The following PHF8 variants were observed in gnomAD, a reference collection of about 807,000 sequenced individuals.
PHF8 encodes the protein PHD finger protein 8, also known as histone lysine demethylase PHF8.
A neutral mutation model predicts 74.4 loss-of-function variants in PHF8; 9 were observed. That is an observed-to-expected ratio of 0.12 (90% CI 0.07 to 0.21). The LOEUF (loss-of-function observed/expected upper bound fraction) is 0.21. Ranked by LOEUF, PHF8 falls within the 10% of genes least tolerant of loss-of-function variation. PHF8 has a pLI of 1.00. For synonymous variants in PHF8, 311 were observed against 316.6 expected, an observed-to-expected ratio of 0.98 and a Z score of 0.19; for missense variants, 478 against 816.6, an observed-to-expected ratio of 0.59 and a Z score of 5.05.
At chrX:54,003,581 C>T (rs961896294) in intron 8 of PHF8, among the ~76,000 whole-genome samples, 21 of 111,636 alleles carry the variant, frequency 1.9e-4, no homozygotes, top group Non-Finnish European at 3.4e-4. Context: ...CACTTGAACC[C>T]GGGAGGCAGA....
chrX:53,956,401 G>GC (rs1349072289), intron 19 of PHF8, among the ~76,000 whole-genome samples: 4 of 111,673 alleles, frequency 3.6e-5, no homozygotes, highest in African/African-American at 1.3e-4. Flanking sequence ...GGCAAAGAAA[G>GC]CATTTTCAGC....
chrX:53,944,216 T>C lies in PHF8; in HGVS notation c.2567A>G (p.Gln856Arg). ...KARVTPTLPK[Q>R]DRPVREGTRV... is the part of the protein sequence containing the mutation. ...GGTCCCCTCACGCACAGGACGGTCCTGCTTCGGCAGAGTTGGGGTCACGCG... is the reference window on the plus strand; with the variant it reads ...GGTCCCCTCACGCACAGGACGGTCCCGCTTCGGCAGAGTTGGGGTCACGCG... Residue 856 changes from glutamine (Q) to arginine (R), a missense_variant, in exon 20 of 22, where the codon CAG (glutamine) becomes CGG (arginine). Gln to Arg is a conservative substitution (Grantham distance 43). Coordinates refer to ENST00000338154, the MANE Select transcript of PHF8 (RefSeq NM_015107.3). 8.3e-7 allele frequency: 1 copy of C among 1,209,580 alleles called. No individual in the cohort carries two copies. The highest frequency in any genetic ancestry group is 1.1e-6 in the Non-Finnish European group (1 of 893,922).
At chrX:54,010,477 T>C (rs1186616912) in intron 8 of PHF8, among the ~76,000 whole-genome samples, 1 of 112,335 alleles carries the variant, frequency 8.9e-6, no homozygotes, top group African/African-American at 3.2e-5. Flanking sequence ...TGAATGTTAA[T>C]TTAAAACTTC....
intron 18 of PHF8, among the ~76,000 whole-genome samples, chrX:53,978,823 T>C (rs1390560476): frequency 9.4e-6 from 1 of 105,971 alleles, no homozygotes; most frequent in African/African-American, 3.4e-5. Context: ...AAAGGCATTA[T>C]GGTAAGCAAA....
At chrX:53,967,046 G>A (rs1260663801) in intron 18 of PHF8, among the ~76,000 whole-genome samples, 7 of 105,449 alleles carry the variant, frequency 6.6e-5, no homozygotes, top group African/African-American at 2.4e-4. Context: ...CAGCTGCCCC[G>A]TCTGAGAAGT....
intron 11 of PHF8, among the ~76,000 whole-genome samples, chrX:53,997,556 G>A (rs1451624579): frequency 9.0e-6 from 1 of 111,373 alleles, no homozygotes; most frequent in Non-Finnish European, 1.9e-5. Flanking sequence ...AAAGGTGAGG[G>A]AGCAGGTTCC....
At chrX:53,942,841 G>A (rs2064772784) in intron 20 of PHF8, 1 of 741,553 alleles carries the variant, frequency 1.3e-6, no homozygotes, top group Non-Finnish European at 1.6e-6. Flanking sequence ...ACTCACTGAG[G>A]GGACTATGAG....
intron 8 of PHF8, among the ~76,000 whole-genome samples, chrX:54,003,964 C>A (rs2035268564): frequency 8.9e-6 from 1 of 111,937 alleles, no homozygotes; most frequent in African/African-American, 3.3e-5. Context: ...AGACTAAGCA[C>A]TCTTCTCTGT....
chrX:54,018,559 T>C (rs1427704120), intron 4 of PHF8, among the ~76,000 whole-genome samples: 1 of 110,071 alleles, frequency 9.1e-6, no homozygotes, highest in African/African-American at 3.3e-5. Flanking sequence ...AGATTTGTAT[T>C]TGACAACTCT....
chrX:54,022,069 G>A (rs1557110103), intron 4 of PHF8, among the ~76,000 whole-genome samples, 190 bp downstream of exon 4: 1 of 111,501 alleles, frequency 9.0e-6, no homozygotes, highest in Non-Finnish European at 1.9e-5. Context: ...TAACTTAGGT[G>A]AATACTGCCT....
chrX:53,992,289 G>T (rs782218307), intron 14 of PHF8, among the ~76,000 whole-genome samples: 1 of 111,944 alleles, frequency 8.9e-6, no homozygotes, highest in Middle Eastern at 4.6e-3. Flanking sequence ...TGAACATTTG[G>T]ATGTTTCCAA....
intron 2 of PHF8, 78 bp from the exon 3 acceptor site, chrX:54,022,921 C>T (rs190112576): frequency 6.9e-6 from 4 of 580,826 alleles, no homozygotes; most frequent in South Asian, 4.9e-5. Flanking sequence ...TCCAGTAGAA[C>T]AGCTATTAAG....
intron 19 of PHF8, among the ~76,000 whole-genome samples, chrX:53,962,036 G>A (rs1459256643): frequency 8.9e-6 from 1 of 112,000 alleles, no homozygotes; most frequent in Non-Finnish European, 1.9e-5. Context: ...CTCTCTTGCT[G>A]CTAGAAACCT....
intron 14 of PHF8, among the ~76,000 whole-genome samples, chrX:53,989,643 A>C (rs868942377): frequency 8.9e-6 from 1 of 112,558 alleles, no homozygotes. Context: ...ATATTAACCA[A>C]TACAAACTGC....
intron 13 of PHF8, 27 bp from the exon 14 acceptor site, chrX:53,992,866 A>G: frequency 1.0e-6 from 1 of 997,280 alleles, no homozygotes; most frequent in Non-Finnish European, 1.4e-6. Flanking sequence ...CTCAGCCGTT[A>G]CCTGTCTGGG....
At position 54,044,255 on chromosome X, in the gene PHF8, G is replaced by A. The variant is rs1253690694; in HGVS notation, c.-586C>T. On this transcript the variant is annotated 5_prime_UTR_variant, in exon 1 of 22. Transcript: ENST00000338154. ...AACCAACGGGGAAAGAGATGAACCG[G>A]CCGCCACGTCCGAGGCACACGGCCC... The A allele has an allele frequency of 1.3e-6, 1 of 754,359 alleles. No individual in the cohort carries two copies. The highest frequency in any genetic ancestry group is 2.3e-5 in the African/African-American group (1 of 43,828). The allele number at this position is 754,359 out of a possible 1,213,427, so 62.2% of individuals were successfully genotyped here. A position where few individuals can be genotyped will look rare whatever the true frequency, so the allele number is the denominator to read the frequency against.
intron 8 of PHF8, among the ~76,000 whole-genome samples, chrX:54,005,539 A>G (rs1175196079): frequency 9.2e-6 from 1 of 108,638 alleles, no homozygotes; most frequent in Non-Finnish European, 1.9e-5. Context: ...CACATTCAAG[A>G]AGCTCAGTGA....
rs1397776856 is a variant in PHF8 at position 53,997,900 on chromosome X, CA to C, written c.1233+1969del. On this transcript the variant is annotated intron_variant, in intron 11 of 21. Coordinates refer to ENST00000338154, the MANE Select transcript of PHF8 (RefSeq NM_015107.3). ...AAGGGAAGGCTCAAAATATGAAATC[CA>C]AGAATATCCGAGGGGAAGGTTGGCA... Among the ~76,000 whole-genome samples, 16 of 111,508 alleles carry C rather than the reference CA, an allele frequency of 1.4e-4. No individual in the cohort carries two copies. The Admixed American group carries it at 1.5e-3, about 11-fold the overall frequency.
chrX:53,940,525 C>A lies in PHF8; in HGVS notation c.2650-9G>T, dbSNP rs2064735225. The A allele has an allele frequency of 8.8e-7, 1 of 1,133,339 alleles. No homozygotes were observed. Among genetic ancestry groups the A allele is most frequent in the African/African-American group, 1.8e-5 (1 of 55,693 alleles). 93.4% of individuals were successfully genotyped at this position (1,133,339 alleles called of 1,213,427 possible). A position where few individuals can be genotyped will look rare whatever the true frequency, so the allele number is the denominator to read the frequency against. On this transcript the variant is annotated splice_polypyrimidine_tract_variant and intron_variant, in intron 20 of 21. Coordinates refer to ENST00000338154, the MANE Select transcript of PHF8 (RefSeq NM_015107.3). The stretch of plus-strand genomic sequence containing the variant: ...TGGGCCTTCTGTAGCTCCTGAAACA[C>A]AAGCCAAGTAGGAGGAGAGATTAAG...
Sources: gnomAD v4.1 joint callset for allele counts (sites outside exome capture counted in the v4.1 genomes callset) on GRCh38, gnomAD v4.1.1 for gene constraint, MANE v1.5 for transcripts, NCBI Gene and HGNC (gene_info 2026-07-23, HGNC 2026-07-21) for gene names.